TOPAZ1: variants seen among roughly 807,000 people sequenced by gnomAD.
TOPAZ1 encodes protein TOPAZ1.
TOPAZ1 carries 66 observed loss-of-function variants against 172.2 expected under a neutral mutation model. The ratio of observed to expected loss-of-function variants is 0.38; its 90% CI spans 0.31 to 0.47. The LOEUF (loss-of-function observed/expected upper bound fraction) is 0.47. TOPAZ1 is among the 20% of genes least tolerant of loss of function. The pLI is 0.99. For synonymous variants in TOPAZ1, 681 were observed against 683.9 expected (o/e 1.00, Z 0.07); for missense variants, 1,822 against 1,972.4 (o/e 0.92, Z 1.44).
At chr3:44,263,618 C>G (rs1369780513) in intron 5 of TOPAZ1, among the ~76,000 whole-genome samples, 1 of 151,952 alleles carries the variant, frequency 6.6e-6, no homozygotes, top group Non-Finnish European at 1.5e-5. Context: ...TTAAATTCTA[C>G]CAATGATACT....
At chr3:44,313,329 G>A (rs1165173026) in intron 16 of TOPAZ1, among the ~76,000 whole-genome samples, 2 of 151,956 alleles carry the variant, frequency 1.3e-5, no homozygotes, top group East Asian at 1.9e-4. Context: ...AAGCTCCCCC[G>A]GGCCAGGTGC....
At chr3:44,309,764 AGTGGCTTTGT>A (rs1700377698) in intron 15 of TOPAZ1, 51 bp from the exon 16 acceptor site, 1 of 1,182,938 alleles carries the variant, frequency 8.5e-7, no homozygotes, top group African/African-American at 1.6e-5. Context: ...AATAATTATC[AGTGGCTTTGT>A]GTGTTTGTAA....
chr3:44,284,715 GC>G (rs1236046342), intron 9 of TOPAZ1, among the ~76,000 whole-genome samples: 1 of 152,028 alleles, frequency 6.6e-6, no homozygotes, highest in African/African-American at 2.4e-5. Flanking sequence ...AAGTTTTATG[GC>G]CAAAAACATT....
intron 8 of TOPAZ1, among the ~76,000 whole-genome samples, chr3:44,279,634 C>G (rs1700000715): frequency 6.6e-6 from 1 of 151,976 alleles, no homozygotes; most frequent in Non-Finnish European, 1.5e-5. Context: ...GCTGCTCCTG[C>G]TTGCTTTTGG....
intron 11 of TOPAZ1, among the ~76,000 whole-genome samples, chr3:44,289,200 A>C (rs1700109434): frequency 6.6e-6 from 1 of 152,188 alleles, no homozygotes; most frequent in Non-Finnish European, 1.5e-5. Context: ...GGCCTTGTTC[A>C]TTTAGTCAAA....
chr3:44,272,363 A>G (rs1012077052), intron 8 of TOPAZ1, among the ~76,000 whole-genome samples: 2 of 152,188 alleles, frequency 1.3e-5, no homozygotes, highest in African/African-American at 4.8e-5. Flanking sequence ...ATTGCCACCA[A>G]CAGTATACAA....
intron 5 of TOPAZ1, among the ~76,000 whole-genome samples, chr3:44,266,025 G>C (rs1699826333): frequency 6.6e-6 from 1 of 152,192 alleles, no homozygotes; most frequent in South Asian, 2.1e-4. Context: ...TGGATAACTT[G>C]CTGCAACTTT....
At chr3:44,329,473 A>G (rs1351449570) in intron 19 of TOPAZ1, among the ~76,000 whole-genome samples, 2 of 152,214 alleles carry the variant, frequency 1.3e-5, no homozygotes, top group African/African-American at 4.8e-5. Context: ...TTCTCCCAGA[A>G]TGAGTGATCC....
intron 12 of TOPAZ1, among the ~76,000 whole-genome samples, chr3:44,297,833 T>C (rs1402185890): frequency 6.6e-6 from 1 of 152,052 alleles, no homozygotes; most frequent in Non-Finnish European, 1.5e-5. Context: ...CATATTTCTA[T>C]ATACTGAAAA....
Position 44,294,844 on chromosome 3 carries a change from T to G in TOPAZ1, c.3797+3958T>G, listed in dbSNP as rs546741777. 2.0e-5 allele frequency among the ~76,000 whole-genome samples: 3 copies of G among 152,332 alleles called. No homozygotes were observed. The East Asian group carries it at 5.8e-4, about 29-fold the overall frequency. On this transcript the variant is annotated intron_variant, in intron 12 of 19. Coordinates refer to ENST00000309765, the MANE Select transcript of TOPAZ1 (RefSeq NM_001145030.2). ...TTTAATTAGCTAGTTTACAGTTCAT[T>G]TGAAAGACTTTCACAGAAGATAAGG...
Position 44,321,119 on chromosome 3 carries a change from A to C in TOPAZ1, c.4399A>C (p.Ile1467Leu). Reference sequence around the variant, plus strand: ...TTTACTCTGTACAATTGCACATGAAATCTTAGCCAAGAGCCTTTATAGACA... The same window carrying C: ...TTTACTCTGTACAATTGCACATGAACTCTTAGCCAAGAGCCTTTATAGACA... ...HNLLCTIAHE[I>L]LAKSLYRQTF... Residue 1467 changes from isoleucine (I) to leucine (L), a missense_variant, in exon 17 of 20, where the codon ATC (isoleucine) becomes CTC (leucine). This residue lies in a region of TOPAZ1 where 333 missense variants were observed against 481.7 expected (regional missense o/e 0.69). Transcript: ENST00000309765. The C allele has an allele frequency of 6.4e-7, 1 of 1,551,150 alleles. No individual in the cohort carries two copies. The highest frequency in any genetic ancestry group is 8.7e-7 in the Non-Finnish European group (1 of 1,146,640).
rs759504453 is a variant in TOPAZ1 at position 44,242,176 on chromosome 3, G to A, written c.123G>A (p.Gly41=). 1.8e-5 allele frequency: 28 copies of A among 1,545,068 alleles called. No individual in the cohort carries two copies. Among genetic ancestry groups the A allele is most frequent in the South Asian group, 1.6e-4 (13 of 83,496 alleles). ...CGGGAGGCTGTGGCCCTGAGGCCGG[G>A]GGGTGCCGGGAAAATAAGCAAAAGA... ...GAAGGCGPEA[G]GCRENKQKRR... Residue 41 remains glycine, a synonymous_variant, in exon 1 of 20, where the codon GGG becomes GGA. Transcript: ENST00000309765.
In TOPAZ1 at chr3:44,303,536, C is replaced by T. The variant is rs151041463; in HGVS notation, c.3798-479C>T. ...AAACTTAATGTGGACTTAGTCTTTG[C>T]AGCAGTATTTTTAAATCAATGTTAG... On this transcript the variant is annotated intron_variant, in intron 12 of 19. Transcript: ENST00000309765. Among the ~76,000 whole-genome samples, 576 of 139,744 alleles carry T rather than the reference C, an allele frequency of 4.1e-3. 6 individuals carry two copies. Among genetic ancestry groups the T allele is most frequent in the African/African-American group, 0.015 (548 of 36,926 alleles). 91.7% of individuals were successfully genotyped at this position (139,744 alleles called of 152,430 possible).
At chr3:44,313,885 A>C (rs1279010303) in intron 16 of TOPAZ1, among the ~76,000 whole-genome samples, 1 of 152,108 alleles carries the variant, frequency 6.6e-6, no homozygotes, top group Admixed American at 6.5e-5. Flanking sequence ...AGTCCTCTAC[A>C]CCTTCAGTTA....
intron 8 of TOPAZ1, among the ~76,000 whole-genome samples, chr3:44,275,155 C>A (rs543306725): frequency 6.6e-6 from 1 of 152,034 alleles, no homozygotes; most frequent in South Asian, 2.1e-4. Flanking sequence ...TCAATCAAGT[C>A]AGGGTATTTG....
chr3:44,279,057 C>G (rs1699995294), intron 8 of TOPAZ1, among the ~76,000 whole-genome samples: 1 of 151,988 alleles, frequency 6.6e-6, no homozygotes, highest in Non-Finnish European at 1.5e-5. Flanking sequence ...GAAATTTTTG[C>G]ATTTTCTTCT....
rs1292074165 is a variant in TOPAZ1, at chr3:44,242,261, G to A, written c.208G>A (p.Ala70Thr). ...CGAGGTGGAAAGTGATAAGTCGGTT[G>A]CAGCATCAGGGGCTGGAAAGGCCGC... ...RGEVESDKSVAASGAGKAARR... is the reference protein window; with the variant it reads ...RGEVESDKSVTASGAGKAARR... The change falls in exon 1 of 20, where the codon GCA becomes ACA. Residue 70 changes from alanine (A) to threonine (T), a missense_variant. Around this residue, in one of 2 missense-constraint regions of TOPAZ1, gnomAD observed 1,489 missense variants for 1,490.8 expected, o/e 1.00. Transcript: ENST00000309765. 3.2e-6 allele frequency: 5 copies of A among 1,549,318 alleles called. No individual in the cohort carries two copies. The African/African-American group carries it at 5.5e-5, about 17-fold the overall frequency.
chr3:44,258,051 C>T (rs1029452961), intron 4 of TOPAZ1, among the ~76,000 whole-genome samples: 17 of 151,902 alleles, frequency 1.1e-4, no homozygotes, highest in Admixed American at 1.1e-3. Flanking sequence ...TTCAGTTTCA[C>T]TGATTTCTGC....
Position 44,271,912 on chromosome 3 carries a change from C to T in TOPAZ1, c.3372+1102C>T, listed in dbSNP as rs372190438. Among the ~76,000 whole-genome samples the T allele has an allele frequency of 2.0e-5, 3 of 152,144 alleles. No homozygotes were observed. In the East Asian group the frequency reaches 5.8e-4, roughly 29 times the overall value. ...GACCATCATCTCCCCATTCCCCTAACCACCCTCCACCCCTGTCCTCTGGTA... is the reference window on the plus strand; with the variant it reads ...GACCATCATCTCCCCATTCCCCTAATCACCCTCCACCCCTGTCCTCTGGTA... On this transcript the variant is annotated intron_variant, in intron 8 of 19. Transcript: ENST00000309765.
Sources: allele counts gnomAD v4.1 joint callset (sites outside exome capture counted in the v4.1 genomes callset), GRCh38; gene constraint gnomAD v4.1.1; regional missense constraint gnomAD v4.1.1; transcripts MANE v1.5; gene names NCBI Gene and HGNC (gene_info 2026-07-23, HGNC 2026-07-21).